Variants in DLGAP2 observed in about 807,000 individuals in gnomAD.
DLGAP2 encodes the protein DLG associated protein 2.
DLGAP2 carries 26 observed loss-of-function variants against 100.3 expected under a neutral mutation model. The ratio of observed to expected loss-of-function variants is 0.26; its 90% CI spans 0.19 to 0.36. The LOEUF (loss-of-function observed/expected upper bound fraction) is 0.36. Ranked by LOEUF, DLGAP2 falls within the 10% of genes least tolerant of loss-of-function variation. The probability of loss-of-function intolerance (pLI) is 1.00; values close to 1 mark genes in which losing one functional copy is unlikely to be tolerated. For synonymous variants in DLGAP2, 886 were observed against 630.1 expected, an observed-to-expected ratio of 1.41 and a Z score of -6.08; for missense variants, 1,858 against 1,453.2, an observed-to-expected ratio of 1.28 and a Z score of -4.53.
At chr8:1,483,120 G>A (rs1799143542) in intron 3 of DLGAP2, among the ~76,000 whole-genome samples, 1 of 152,184 alleles carries the variant, frequency 6.6e-6, no homozygotes. Context: ...GCTCGGTGCC[G>A]GCAGGAAGGG....
chr8:1,200,397 A>T (rs1396764813), intron 2 of DLGAP2, among the ~76,000 whole-genome samples: 1 of 152,146 alleles, frequency 6.6e-6, no homozygotes, highest in Non-Finnish European at 1.5e-5. Flanking sequence ...GTATTTCCTC[A>T]AGGACAGTCA....
At chr8:781,100 G>A (rs60197175) in intron 1 of DLGAP2, among the ~76,000 whole-genome samples, 31,681 of 151,970 alleles carry the variant, frequency 0.21, 4,172 homozygotes, top group Non-Finnish European at 0.29. Context: ...TTTTATTATT[G>A]ACTGATCTTT....
At chr8:1,573,569 T>A (rs914977802) in intron 6 of DLGAP2, among the ~76,000 whole-genome samples, 3 of 152,082 alleles carry the variant, frequency 2.0e-5, no homozygotes, top group Non-Finnish European at 4.4e-5. Context: ...GCTTAAGTTA[T>A]ATTTAGTCAT....
At chr8:1,268,071 A>G (rs1291811329) in intron 3 of DLGAP2, among the ~76,000 whole-genome samples, 1 of 152,230 alleles carries the variant, frequency 6.6e-6, no homozygotes, top group African/African-American at 2.4e-5. Context: ...ACAATTACCC[A>G]TTTATGCAGA....
chr8:986,769 C>T (rs1397422211), intron 2 of DLGAP2, among the ~76,000 whole-genome samples: 3 of 151,638 alleles, frequency 2.0e-5, no homozygotes, highest in South Asian at 2.1e-4. Context: ...AAGTGATTCT[C>T]CTGCCTAAGC....
intron 2 of DLGAP2, among the ~76,000 whole-genome samples, chr8:1,206,964 G>C (rs111329176): frequency 3.3e-4 from 50 of 152,176 alleles, no homozygotes; most frequent in African/African-American, 1.1e-3. Flanking sequence ...ACACCGTCTC[G>C]GTGAAACTTC....
intron 3 of DLGAP2, among the ~76,000 whole-genome samples, chr8:1,383,668 G>A (rs981137174): frequency 5.9e-5 from 9 of 152,158 alleles, no homozygotes; most frequent in African/African-American, 1.7e-4. Flanking sequence ...GACAGGTGCC[G>A]TCCACCTGGC....
At chr8:1,509,051 G>C (rs991256690) in intron 4 of DLGAP2, among the ~76,000 whole-genome samples, 1 of 152,164 alleles carries the variant, frequency 6.6e-6, no homozygotes, top group Non-Finnish European at 1.5e-5. Flanking sequence ...GTATAGACTA[G>C]GCCGGGCACG....
intron 3 of DLGAP2, among the ~76,000 whole-genome samples, chr8:1,334,966 C>A (rs528114907): frequency 6.6e-6 from 1 of 152,170 alleles, no homozygotes; most frequent in Non-Finnish European, 1.5e-5. Context: ...GGGACCCAGC[C>A]CTCGCAGGCA....
intron 1 of DLGAP2, among the ~76,000 whole-genome samples, chr8:744,434 C>T (rs140335359): frequency 5.9e-5 from 9 of 152,338 alleles, no homozygotes; most frequent in African/African-American, 2.2e-4. Flanking sequence ...GAGGGGCTGA[C>T]GCCTCCTCGA....
chr8:1,238,513 C>G (rs1289513884), intron 2 of DLGAP2, among the ~76,000 whole-genome samples: 1 of 129,348 alleles, frequency 7.7e-6, no homozygotes, highest in African/African-American at 2.8e-5. Context: ...GTGTCTAGTT[C>G]TCTCACATGG....
intron 2 of DLGAP2, among the ~76,000 whole-genome samples, chr8:1,081,594 T>A (rs1803813141): frequency 6.6e-6 from 1 of 152,140 alleles, no homozygotes; most frequent in Admixed American, 6.5e-5. Context: ...CAAGTGATCC[T>A]CCTGCCTTGG....
chr8:945,246 G>A (rs1245745957), intron 2 of DLGAP2, among the ~76,000 whole-genome samples: 2 of 152,142 alleles, frequency 1.3e-5, no homozygotes, highest in African/African-American at 2.4e-5. Context: ...GGCTGCTTCT[G>A]GTCCCCTTCC....
chr8:1,460,327 A>T (rs1220969703), intron 3 of DLGAP2, among the ~76,000 whole-genome samples: 2 of 152,212 alleles, frequency 1.3e-5, no homozygotes, highest in African/African-American at 4.8e-5. Flanking sequence ...CTATGAAGAA[A>T]CTAAACCACG....
Position 1,191,384 on chromosome 8 carries a change from A to T in DLGAP2, c.74-67467A>T, listed in dbSNP as rs943006358. On this transcript the variant is annotated intron_variant, in intron 2 of 14. Transcript: ENST00000637795. ...ACGGGATTTCACCGTGTTAGCCAGG[A>T]TGGTCTTGATCTCCTGACCTTGTGA... Among the ~76,000 whole-genome samples, 3 of 151,978 alleles carry T rather than the reference A, an allele frequency of 2.0e-5. No homozygotes were observed. The South Asian group carries it at 6.2e-4, about 32-fold the overall frequency.
intron 2 of DLGAP2, among the ~76,000 whole-genome samples, chr8:966,076 T>C (rs1434819261): frequency 6.6e-6 from 1 of 152,200 alleles, no homozygotes; most frequent in African/African-American, 2.4e-5. Flanking sequence ...TCACAGCTTC[T>C]CGCCAGACTC....
Position 1,565,679 on chromosome 8 carries a change from C to T in DLGAP2, c.1231-4C>T, listed in dbSNP as rs1476992569. 6.2e-7 allele frequency: 1 copy of T among 1,609,010 alleles called. No individual in the cohort carries two copies. The highest frequency in any genetic ancestry group is 8.5e-7 in the Non-Finnish European group (1 of 1,177,062). On this transcript the variant is annotated splice_polypyrimidine_tract_variant and splice_region_variant and intron_variant, in intron 5 of 14. Transcript: ENST00000637795. The stretch of plus-strand genomic sequence containing the variant: ...ATGCGTGTTTCATGTCTGTCTGCTC[C>T]CAGGTACCTCAGGATGAGTGGGGAG...
At chr8:901,374 T>G (rs545587820) in intron 1 of DLGAP2, among the ~76,000 whole-genome samples, 1 of 152,382 alleles carries the variant, frequency 6.6e-6, no homozygotes, top group South Asian at 2.1e-4. Flanking sequence ...TATTTGAATT[T>G]CTTCCAAAGA....
chr8:1,094,254 A>G (rs1804293163), intron 2 of DLGAP2, among the ~76,000 whole-genome samples: 1 of 152,234 alleles, frequency 6.6e-6, no homozygotes, highest in African/African-American at 2.4e-5. Flanking sequence ...CAACGCGAGT[A>G]AAGCTTTCAG....
Sources: allele counts gnomAD v4.1 joint callset (sites outside exome capture counted in the v4.1 genomes callset), GRCh38; gene constraint gnomAD v4.1.1; transcripts MANE v1.5; gene names NCBI Gene and HGNC (gene_info 2026-07-23, HGNC 2026-07-21).